OTOG: variants seen among roughly 807,000 people sequenced by gnomAD.
OTOG encodes otogelin.
OTOG carries 296 observed loss-of-function variants against 313.8 expected under a neutral mutation model. The observed-to-expected ratio is 0.94, with a 90% CI of 0.86 to 1.04. The LOEUF (loss-of-function observed/expected upper bound fraction) is 1.04. Ranked by LOEUF, OTOG falls within the 50% of genes least tolerant of loss-of-function variation. The pLI is 0.00. For missense variants in OTOG, 3,948 were observed against 3,840.1 expected, an observed-to-expected ratio of 1.03 and a Z score of -0.74; for synonymous variants, 1,533 against 1,554.9, an observed-to-expected ratio of 0.99 and a Z score of 0.33.
chr11:17,561,672 A>G lies in OTOG; in HGVS notation c.1509A>G (p.Ser503=), dbSNP rs1046769584. 14 of 1,550,322 alleles carry G rather than the reference A, an allele frequency of 9.0e-6. No homozygotes were observed. Among genetic ancestry groups the G allele is most frequent in the South Asian group, 1.2e-5 (1 of 84,038 alleles). Residue 503 remains serine, a synonymous_variant, in exon 15 of 56, where the codon TCA becomes TCG. Coordinates refer to ENST00000399397, the MANE Select transcript of OTOG (RefSeq NM_001292063.2). ...CSTAVCPAEC[S]VTGDIHFTTF... ...TTTTCTACCTCTCAGCTGAGTGCTC[A>G]GTGACTGGTGACATTCACTTCACAA...
intron 28 of OTOG, among the ~76,000 whole-genome samples, chr11:17,594,663 G>A (rs1853045745): frequency 6.6e-6 from 1 of 152,086 alleles, no homozygotes; most frequent in African/African-American, 2.4e-5. Flanking sequence ...AGAAATGAGG[G>A]GGTCTGCCCA....
chr11:17,609,703 C>A lies in OTOG; in HGVS notation c.4403C>A (p.Thr1468Asn), dbSNP rs575174022. 6.6e-7 allele frequency: 1 copy of A among 1,525,038 alleles called. No homozygotes were observed. The allele number at this position is 1,525,038 out of a possible 1,614,324, so 94.5% of individuals were successfully genotyped here. A position where few individuals can be genotyped will look rare whatever the true frequency, so the allele number is the denominator to read the frequency against. Residue 1468 changes from threonine to asparagine, a missense_variant, in exon 36 of 56, where the codon ACC becomes AAC. Physicochemically the swap from Thr to Asn is moderately conservative, Grantham distance 65. Coordinates refer to ENST00000399397, the MANE Select transcript of OTOG (RefSeq NM_001292063.2). The stretch of plus-strand genomic sequence containing the variant: ...CCCACAGAGGCCCTTGGCAATGAGA[C>A]CCTCCCTCCCAGTCAAGGGTTGCCC... ...WVPTEALGNE[T>N]LPPSQGLPTP...
chr11:17,603,639 T>TGCCCAGGGTCCTGGGCAGC (rs1439238524), intron 32 of OTOG, among the ~76,000 whole-genome samples: 1 of 152,136 alleles, frequency 6.6e-6, no homozygotes, highest in Non-Finnish European at 1.5e-5. Context: ...TCCTGGGCTG[T>TGCCCAGGGTCCTGGGCAGC]GCCCAGGGTC....
chr11:17,574,313 G>GGA (rs1162108877), intron 19 of OTOG, among the ~76,000 whole-genome samples: 1 of 123,660 alleles, frequency 8.1e-6, no homozygotes, highest in Non-Finnish European at 1.8e-5. Context: ...TGAGGGGGTA[G>GGA]GAGTGTGTGT....
intron 15 of OTOG, among the ~76,000 whole-genome samples, chr11:17,566,006 A>T (rs1200965182): frequency 1.3e-5 from 2 of 152,132 alleles, no homozygotes; most frequent in Admixed American, 1.3e-4. Flanking sequence ...AGATCAGGGG[A>T]TGAGGTGTGC....
intron 24 of OTOG, among the ~76,000 whole-genome samples, chr11:17,590,059 T>C (rs1170748475): frequency 6.6e-6 from 1 of 152,116 alleles, no homozygotes; most frequent in Non-Finnish European, 1.5e-5. Context: ...TCTCCTCCTC[T>C]CTATTTATAC....
At chr11:17,604,832 G>A (rs146236968) in intron 32 of OTOG, among the ~76,000 whole-genome samples, 12 of 152,356 alleles carry the variant, frequency 7.9e-5, no homozygotes, top group African/African-American at 2.9e-4. Flanking sequence ...AGCTTGCTTA[G>A]CACAGTGCCT....
intron 24 of OTOG, among the ~76,000 whole-genome samples, chr11:17,587,466 C>A (rs1020905971): frequency 6.6e-6 from 1 of 152,206 alleles, no homozygotes; most frequent in African/African-American, 2.4e-5. Flanking sequence ...CAGGAAGCCC[C>A]TGGCACTGGA....
At chr11:17,594,273 C>T (rs940123423) in intron 28 of OTOG, 107 bp downstream of exon 28, 1 of 1,388,112 alleles carries the variant, frequency 7.2e-7, no homozygotes, top group East Asian at 2.5e-5. Context: ...TGAGGTTTCT[C>T]CTGCAATGTT....
In OTOG at chr11:17,610,760, C is replaced by G. The variant is rs1207768178; in HGVS notation, c.5460C>G (p.Ala1820=). ...AGGTGGGCACATCTGCCCCAGTGGC[C>G]ACACCCGGCCCCAAAGCCTCTGTCA... ...LAKVGTSAPV[A]TPGPKASVIT... Residue 1820 remains alanine (A), a synonymous_variant, in exon 36 of 56, where the codon GCC becomes GCG. Transcript: ENST00000399397. The G allele has an allele frequency of 6.5e-6, 10 of 1,549,880 alleles. No individual in the cohort carries two copies. In the South Asian group the frequency reaches 1.2e-4, roughly 18 times the overall value.
chr11:17,644,148 T>C (rs530782705), intron 54 of OTOG, among the ~76,000 whole-genome samples: 1 of 152,252 alleles, frequency 6.6e-6, no homozygotes, highest in Admixed American at 6.5e-5. Context: ...TAGTGAGCTG[T>C]ATCCCCTGGG....
Position 17,573,087 on chromosome 11 carries a change from C to T in OTOG, c.2090C>T (p.Ser697Leu), listed in dbSNP as rs1852439497. 1 of 1,547,074 alleles carries T rather than the reference C, an allele frequency of 6.5e-7. No homozygotes were observed. Residue 697 changes from serine to leucine, a missense_variant, in exon 19 of 56, where the codon TCA becomes TTA. Physicochemically the swap from Ser to Leu is moderately radical, Grantham distance 145 (BLOSUM62 -2). Transcript: ENST00000399397. ...CDVHLQAASY[S>L]VQACSVLTGE... is the part of the protein sequence containing the mutation. ...GTTCTTCCTTCCCCAGCCTCCTACT[C>T]AGTGCAGGCCTGCAGCGTGCTCACG...
At position 17,609,924 on chromosome 11, in the gene OTOG, C is replaced by G; in HGVS notation, c.4624C>G (p.Pro1542Ala). The change falls in exon 36 of 56, where the codon CCC (proline) becomes GCC (alanine). Residue 1542 changes from proline (P) to alanine (A), a missense_variant. Coordinates refer to ENST00000399397, the MANE Select transcript of OTOG (RefSeq NM_001292063.2). ...ACTGGAGCTCACTGCATCTCAACTCCCCGCCGGCCCCACGGAGTCCCCAGC... is the reference window on the plus strand; with the variant it reads ...ACTGGAGCTCACTGCATCTCAACTCGCCGCCGGCCCCACGGAGTCCCCAGC... ...QPLELTASQL[P>A]AGPTESPASK... The G allele has an allele frequency of 1.3e-6, 2 of 1,527,206 alleles. No homozygotes were observed. The highest frequency in any genetic ancestry group is 1.8e-6 in the Non-Finnish European group (2 of 1,133,692). The allele number at this position is 1,527,206 out of a possible 1,614,324, so 94.6% of individuals were successfully genotyped here.
intron 42 of OTOG, among the ~76,000 whole-genome samples, chr11:17,632,761 G>A (rs1854161846): frequency 6.6e-6 from 1 of 152,144 alleles, no homozygotes; most frequent in Non-Finnish European, 1.5e-5. Flanking sequence ...GTCGACAGGG[G>A]TGGCCTGGGC....
chr11:17,644,126 G>A (rs1848027312), intron 54 of OTOG, among the ~76,000 whole-genome samples: 1 of 152,278 alleles, frequency 6.6e-6, no homozygotes, highest in Admixed American at 6.5e-5. Context: ...TGGGCCTGCA[G>A]TGCATGCTGG....
In OTOG at chr11:17,645,949, T is replaced by TG; in HGVS notation, c.*10dup. 6.5e-7 allele frequency: 1 copy of TG among 1,548,310 alleles called. No individual in the cohort carries two copies. Among genetic ancestry groups the TG allele is most frequent in the Non-Finnish European group, 8.7e-7 (1 of 1,146,938 alleles). On this transcript the variant is annotated 3_prime_UTR_variant, in exon 56 of 56. Transcript: ENST00000399397. The stretch of plus-strand genomic sequence containing the variant: ...TGTGCCTGCCAGTGGTCCTGAGGCC[T>TG]GGGGGCCCGGGCTAGCTGGACCACC...
At chr11:17,593,586 G>A (rs983020706) in intron 26 of OTOG, 24 bp from the exon 27 acceptor site, 1 of 1,548,020 alleles carries the variant, frequency 6.5e-7, no homozygotes, top group Admixed American at 2.0e-5. Context: ...TTGGGCTCAG[G>A]ACTGACCATC....
chr11:17,568,681 T>C (rs1852340975), intron 15 of OTOG, among the ~76,000 whole-genome samples: 1 of 152,202 alleles, frequency 6.6e-6, no homozygotes, highest in Non-Finnish European at 1.5e-5. Flanking sequence ...GCCCAGTGTG[T>C]GACCATTTGA....
chr11:17,634,323 C>G (rs1481386123), intron 44 of OTOG, 42 bp downstream of exon 44: 1 of 1,535,552 alleles, frequency 6.5e-7, no homozygotes, highest in South Asian at 1.2e-5. Flanking sequence ...AACTGTAAAA[C>G]AGTTAAAAGG....
Sources: allele counts gnomAD v4.1 joint callset (sites outside exome capture counted in the v4.1 genomes callset), GRCh38; gene constraint gnomAD v4.1.1; transcripts MANE v1.5; gene names NCBI Gene and HGNC (gene_info 2026-07-23, HGNC 2026-07-21).